The following SGCD variants were observed in gnomAD, a reference collection of about 807,000 sequenced individuals.
SGCD encodes the protein sarcoglycan delta.
SGCD carries 18 observed loss-of-function variants against 36.6 expected under a neutral mutation model. That is an observed-to-expected ratio of 0.49 (90% CI 0.34 to 0.73). The LOEUF (loss-of-function observed/expected upper bound fraction) is 0.73, where lower values mean the gene tolerates loss of function less well. Ranked by LOEUF, SGCD falls within the 30% of genes least tolerant of loss-of-function variation. The pLI is 0.01. For missense variants in SGCD, 387 were observed against 346.7 expected (o/e 1.12, Z -0.92); for synonymous variants, 133 against 130.6 (o/e 1.02, Z -0.12).
intron 6 of SGCD, among the ~76,000 whole-genome samples, chr5:156,601,508 C>A (rs948112907): frequency 6.6e-6 from 1 of 152,114 alleles, no homozygotes. Flanking sequence ...TACTTTTATG[C>A]CAAGTACCAT....
chr5:156,179,471 T>C (rs1008695662), intron 3 of SGCD, among the ~76,000 whole-genome samples: 2 of 152,192 alleles, frequency 1.3e-5, no homozygotes, highest in African/African-American at 4.8e-5. Flanking sequence ...CTGAGTTTGG[T>C]ATTTTAAAAT....
intron 6 of SGCD, among the ~76,000 whole-genome samples, chr5:156,601,725 C>T (rs1761199491): frequency 6.6e-6 from 1 of 152,058 alleles, no homozygotes; most frequent in South Asian, 2.1e-4. Context: ...GCTCTGTCGC[C>T]CATGCTGGAG....
At chr5:156,558,125 T>TATATATATATAAA (rs56304932) in intron 4 of SGCD, among the ~76,000 whole-genome samples, 4 of 107,770 alleles carry the variant, frequency 3.7e-5, no homozygotes, top group African/African-American at 1.2e-4. Flanking sequence ...ATATATATAT[T>TATATATATATAAA]ATTTAACTCT....
chr5:156,515,674 C>T (rs139401000), intron 4 of SGCD, among the ~76,000 whole-genome samples: 56 of 152,356 alleles, frequency 3.7e-4, no homozygotes, highest in Middle Eastern at 3.4e-3. Context: ...TGTGAGCCCA[C>T]GCCACCAGGG....
At chr5:156,112,856 T>C (rs114407992) in intron 1 of SGCD, among the ~76,000 whole-genome samples, 1 of 152,322 alleles carries the variant, frequency 6.6e-6, no homozygotes, top group Non-Finnish European at 1.5e-5. Flanking sequence ...CACTCTGGCC[T>C]GCTGTGTGTA....
At chr5:155,867,006 G>C (rs1369821064), upstream of SGCD, among the ~76,000 whole-genome samples, 1 of 152,156 alleles carries the variant, frequency 6.6e-6, no homozygotes, top group East Asian at 1.9e-4. Context: ...AATAAATAAA[G>C]AAAAGACTCA....
chr5:156,119,306 G>C (rs1015725623), intron 2 of SGCD, among the ~76,000 whole-genome samples: 1 of 152,128 alleles, frequency 6.6e-6, no homozygotes, highest in East Asian at 1.9e-4. Flanking sequence ...CAGCATGTTT[G>C]CTGAATGTCA....
intron 3 of SGCD, among the ~76,000 whole-genome samples, chr5:156,124,475 G>C (rs991958436): frequency 1.3e-5 from 2 of 152,100 alleles, no homozygotes; most frequent in African/African-American, 4.8e-5. Flanking sequence ...TAGGGGAGTT[G>C]TCTTTGTATT....
chr5:156,718,805 C>CAA (rs34120629), intron 7 of SGCD, among the ~76,000 whole-genome samples: 1 of 111,968 alleles, frequency 8.9e-6, no homozygotes, highest in Admixed American at 9.7e-5. Flanking sequence ...CTATTTCTAC[C>CAA]AAAAAAAAAA....
chr5:156,382,475 T>TA (rs1389865119), intron 3 of SGCD, among the ~76,000 whole-genome samples: 1 of 152,230 alleles, frequency 6.6e-6, no homozygotes, highest in Non-Finnish European at 1.5e-5. Flanking sequence ...GATGTACTTG[T>TA]AAATCGAGGC....
chr5:155,906,077 A>G (rs1303396859), intron 1 of SGCD, among the ~76,000 whole-genome samples: 1 of 152,160 alleles, frequency 6.6e-6, no homozygotes, highest in Non-Finnish European at 1.5e-5. Context: ...AATTGTCACT[A>G]TCCTTCAAAC....
At position 155,899,953 on chromosome 5, in the gene SGCD, T is replaced by TA. The variant is rs533589236; in HGVS notation, c.-282+29530dup. The stretch of plus-strand genomic sequence containing the variant: ...ATATCATGATTTAAAGTTCTATTCA[T>TA]ACTTGAATGATGAAACTGTGCTTTT... On this transcript the variant is annotated intron_variant, in intron 1 of 9. Coordinates refer to the SGCD transcript ENST00000517913. 9.1e-4 allele frequency among the ~76,000 whole-genome samples: 138 copies of TA among 152,338 alleles called. 1 individual carries two copies. The highest frequency in any genetic ancestry group is 3.1e-3 in the African/African-American group (130 of 41,578).
At chr5:156,095,047 T>G (rs796072660) in intron 1 of SGCD, among the ~76,000 whole-genome samples, 1 of 152,288 alleles carries the variant, frequency 6.6e-6, no homozygotes, top group East Asian at 1.9e-4. Flanking sequence ...GTTTCTGCAC[T>G]TGTACTGTCT....
chr5:156,439,017 T>A (rs912199469), intron 3 of SGCD, among the ~76,000 whole-genome samples: 1 of 152,168 alleles, frequency 6.6e-6, no homozygotes, highest in African/African-American at 2.4e-5. Context: ...GAGCAAGTAC[T>A]TAAGCTCAGG....
At chr5:155,784,640 C>CTTTTT in the SGCD span, among the ~76,000 whole-genome samples, 2 of 134,564 alleles carry the variant, frequency 1.5e-5, no homozygotes, top group Non-Finnish European at 3.1e-5. Flanking sequence ...GTAAGAGCTC[C>CTTTTT]TTTTTTTTTT....
At chr5:156,309,166 T>C (rs1365377697) in intron 3 of SGCD, among the ~76,000 whole-genome samples, 1 of 152,178 alleles carries the variant, frequency 6.6e-6, no homozygotes, top group East Asian at 1.9e-4. Context: ...TCATGAATGT[T>C]TATATTAATG....
At chr5:156,549,085 G>T (rs1758692068) in intron 4 of SGCD, among the ~76,000 whole-genome samples, 1 of 149,970 alleles carries the variant, frequency 6.7e-6, no homozygotes, top group African/African-American at 2.5e-5. Context: ...ATTCAGTTAT[G>T]CAGTCTAAAA....
intron 3 of SGCD, among the ~76,000 whole-genome samples, chr5:156,267,183 G>A (rs1218086059): frequency 6.6e-6 from 1 of 152,134 alleles, no homozygotes; most frequent in Non-Finnish European, 1.5e-5. Context: ...TGAGTGCTTA[G>A]CATTAGTTAA....
intron 1 of SGCD, among the ~76,000 whole-genome samples, chr5:155,986,052 GA>G (rs939752201): frequency 8.0e-5 from 12 of 150,938 alleles, no homozygotes; most frequent in African/African-American, 2.2e-4. Flanking sequence ...TTATTTCTAA[GA>G]AAAAAAAAGT....
Sources: allele counts gnomAD v4.1 joint callset (sites outside exome capture counted in the v4.1 genomes callset), GRCh38; gene constraint gnomAD v4.1.1; transcripts MANE v1.5; gene names NCBI Gene and HGNC (gene_info 2026-07-23, HGNC 2026-07-21).